FGF7: variants seen among roughly 807,000 people sequenced by gnomAD.
FGF7 encodes FGF-7.
In FGF7, 6 loss-of-function variants were observed where a neutral mutation model predicts 20.5. The ratio of observed to expected loss-of-function variants is 0.29; its 90% CI spans 0.16 to 0.58. The LOEUF (loss-of-function observed/expected upper bound fraction) is 0.58. FGF7 is among the 20% of genes least tolerant of loss of function. The probability of loss-of-function intolerance (pLI) is 0.90; values close to 1 mark genes in which losing one functional copy is unlikely to be tolerated. For missense variants in FGF7, 144 were observed against 228.8 expected, an observed-to-expected ratio of 0.63 and a Z score of 2.39; for synonymous variants, 64 against 74.7, an observed-to-expected ratio of 0.86 and a Z score of 0.74.
chr15:49,446,339 A>G (rs1427151312), intron 2 of FGF7, among the ~76,000 whole-genome samples: 1 of 151,644 alleles, frequency 6.6e-6, no homozygotes, highest in African/African-American at 2.4e-5. Flanking sequence ...TTCGATGTAC[A>G]GGTGACATTG....
intron 2 of FGF7, among the ~76,000 whole-genome samples, chr15:49,480,738 C>A (rs1238189116): frequency 2.0e-5 from 3 of 152,238 alleles, no homozygotes; most frequent in East Asian, 3.9e-4. Flanking sequence ...CTGACTCGGC[C>A]TCCCAAAGTG....
At chr15:49,483,979 G>A (rs2056178293) in intron 3 of FGF7, among the ~76,000 whole-genome samples, 1 of 152,026 alleles carries the variant, frequency 6.6e-6, no homozygotes, top group African/African-American at 2.4e-5. Context: ...TAAAGAATGA[G>A]TGATGTGGGA....
At chr15:49,437,187 T>C (rs377149659) in intron 2 of FGF7, among the ~76,000 whole-genome samples, 183 of 151,648 alleles carry the variant, frequency 1.2e-3, no homozygotes, top group African/African-American at 4.2e-3. Flanking sequence ...TTAAATTGTA[T>C]ATATACAGTT....
At chr15:49,464,196 A>T (rs1377376665) in intron 2 of FGF7, among the ~76,000 whole-genome samples, 1 of 152,138 alleles carries the variant, frequency 6.6e-6, no homozygotes, top group African/African-American at 2.4e-5. Flanking sequence ...ATCTCCACAG[A>T]GTATGTGTAG....
intron 2 of FGF7, among the ~76,000 whole-genome samples, chr15:49,467,445 A>T (rs1419610299): frequency 6.6e-6 from 1 of 151,964 alleles, no homozygotes; most frequent in Non-Finnish European, 1.5e-5. Flanking sequence ...TGTATTTTGA[A>T]ACTTACCTCT....
chr15:49,426,600 G>A (rs78458957), intron 2 of FGF7, among the ~76,000 whole-genome samples: 2,746 of 151,922 alleles, frequency 0.018, 33 homozygotes, highest in Non-Finnish European at 0.027. Flanking sequence ...AACTCAGGTA[G>A]TACACATGCA....
rs189897367 is a variant in FGF7, at chr15:49,467,255, A to T, written c.287-15896A>T. 2.0e-3 allele frequency among the ~76,000 whole-genome samples: 299 copies of T among 152,294 alleles called. 2 individuals carry two copies. The highest frequency in any genetic ancestry group is 6.9e-3 in the African/African-American group (286 of 41,576). On this transcript the variant is annotated intron_variant, in intron 2 of 3. Transcript: ENST00000267843. ...GTGACTCCTAGAGGTAGCTATGAAC[A>T]AAACGTTAATGAAAGTTTCTATAAC...
chr15:49,456,844 T>C (rs2053341769), intron 2 of FGF7, among the ~76,000 whole-genome samples: 1 of 152,250 alleles, frequency 6.6e-6, no homozygotes, highest in East Asian at 1.9e-4. Context: ...TCCAACTTTG[T>C]TGATGAAAAA....
chr15:49,484,053 G>T (rs561260474), intron 3 of FGF7, among the ~76,000 whole-genome samples: 1 of 152,086 alleles, frequency 6.6e-6, no homozygotes, highest in East Asian at 1.9e-4. Context: ...TAGTTGACAT[G>T]AACTTCCAAA....
chr15:49,461,945 A>G (rs2053836596), intron 2 of FGF7, among the ~76,000 whole-genome samples: 1 of 152,170 alleles, frequency 6.6e-6, no homozygotes, highest in East Asian at 1.9e-4. Context: ...CGAAGCAGGC[A>G]GATTACTTGA....
intron 2 of FGF7, among the ~76,000 whole-genome samples, chr15:49,456,229 G>T (rs2053272284): frequency 6.6e-6 from 1 of 151,894 alleles, no homozygotes; most frequent in African/African-American, 2.4e-5. Flanking sequence ...ATTTCCCTCT[G>T]AGACTTGAAT....
intron 2 of FGF7, among the ~76,000 whole-genome samples, chr15:49,433,180 T>A (rs2151797345): frequency 6.6e-6 from 1 of 151,702 alleles, no homozygotes; most frequent in Non-Finnish European, 1.5e-5. Context: ...AGATTTTCAA[T>A]ACAGAGCCAG....
intron 2 of FGF7, among the ~76,000 whole-genome samples, chr15:49,479,599 G>GT (rs56097665): frequency 0.012 from 781 of 63,322 alleles, 178 homozygotes; most frequent in African/African-American, 0.029. Flanking sequence ...TAATACCTCT[G>GT]TTTTTTTTTT....
At chr15:49,476,439 C>A (rs2055329473) in intron 2 of FGF7, among the ~76,000 whole-genome samples, 1 of 151,852 alleles carries the variant, frequency 6.6e-6, no homozygotes, top group Non-Finnish European at 1.5e-5. Flanking sequence ...GTACACTTAA[C>A]AAGTGAAACA....
At chr15:49,457,162 A>C (rs1567313062) in intron 2 of FGF7, among the ~76,000 whole-genome samples, 1 of 152,044 alleles carries the variant, frequency 6.6e-6, no homozygotes, top group African/African-American at 2.4e-5. Context: ...AACTTTTAAC[A>C]GTGTTTTTTC....
intron 2 of FGF7, among the ~76,000 whole-genome samples, chr15:49,456,530 C>T (rs2053307672): frequency 6.6e-6 from 1 of 152,034 alleles, no homozygotes; most frequent in Non-Finnish European, 1.5e-5. Context: ...TGCAAGCATT[C>T]AACTGGATAT....
rs114609612 is a variant in FGF7, at chr15:49,443,267, C to T, written c.286+18684C>T. On this transcript the variant is annotated intron_variant, in intron 2 of 3. Transcript: ENST00000267843. ...AGTAATAAATACTCAAAACTCTTTA[C>T]TACTGAATTTCTTTACTATTATATA... is the stretch of plus-strand genomic sequence containing the variant. Among the ~76,000 whole-genome samples the T allele has an allele frequency of 5.6e-3, 847 of 151,576 alleles. 6 individuals are homozygous for T. Among genetic ancestry groups the T allele is most frequent in the African/African-American group, 0.019 (807 of 41,412 alleles).
intron 2 of FGF7, among the ~76,000 whole-genome samples, chr15:49,463,091 C>T (rs2053946552): frequency 1.3e-5 from 2 of 152,206 alleles, no homozygotes; most frequent in Non-Finnish European, 2.9e-5. Context: ...CAAGTTCACT[C>T]TCTCCCAATC....
At chr15:49,439,010 T>C (rs918674751) in intron 2 of FGF7, among the ~76,000 whole-genome samples, 12 of 151,746 alleles carry the variant, frequency 7.9e-5, no homozygotes, top group African/African-American at 1.7e-4. Context: ...GTCAGGAATT[T>C]GGGAGTAGCT....
Sources: gnomAD v4.1 joint callset for allele counts (sites outside exome capture counted in the v4.1 genomes callset) on GRCh38, gnomAD v4.1.1 for gene constraint, MANE v1.5 for transcripts, NCBI Gene and HGNC (gene_info 2026-07-23, HGNC 2026-07-21) for gene names.